Variants in TSPAN18 observed in about 807,000 individuals in gnomAD.
TSPAN18 encodes the protein tetraspanin-18.
A neutral mutation model predicts 27.3 loss-of-function variants in TSPAN18; 14 were observed. The ratio of observed to expected loss-of-function variants is 0.51; its 90% CI spans 0.34 to 0.80. TSPAN18 has a LOEUF of 0.80. Ranked by LOEUF, TSPAN18 falls within the 30% of genes least tolerant of loss-of-function variation. TSPAN18 has a pLI of 0.01. For missense variants in TSPAN18, 268 were observed against 323.9 expected (o/e 0.83, Z 1.32); for synonymous variants, 143 against 136.5 (o/e 1.05, Z -0.33).
At position 44,802,686 on chromosome 11, in the gene TSPAN18, G is replaced by A. The variant is rs111277602; in HGVS notation, c.-153+38174G>A. On this transcript the variant is annotated intron_variant, in intron 2 of 9. Transcript: ENST00000520358. Reference sequence around the variant, plus strand: ...AACTGGGGAAGAGGTGGCTGGGGCTGCAGGTGGTAAAGGCTGTGGGTGGGG... The same window carrying A: ...AACTGGGGAAGAGGTGGCTGGGGCTACAGGTGGTAAAGGCTGTGGGTGGGG... Among the ~76,000 whole-genome samples the A allele has an allele frequency of 9.3e-3, 1,416 of 151,846 alleles. 20 individuals are homozygous for A. Among genetic ancestry groups the A allele is most frequent in the Middle Eastern group, 0.031 (9 of 292 alleles).
At chr11:44,780,742 C>T (rs1855919035) in intron 2 of TSPAN18, among the ~76,000 whole-genome samples, 1 of 152,214 alleles carries the variant, frequency 6.6e-6, no homozygotes, top group South Asian at 2.1e-4. Context: ...TGTCTATTTC[C>T]CCATCTGTAA....
At chr11:44,735,154 G>T (rs1854760364) in intron 1 of TSPAN18, among the ~76,000 whole-genome samples, 2 of 152,206 alleles carry the variant, frequency 1.3e-5, no homozygotes, top group African/African-American at 4.8e-5. Context: ...CCTGCAGCTG[G>T]ATTTATGCTG....
At chr11:44,783,803 T>C (rs917977383) in intron 2 of TSPAN18, among the ~76,000 whole-genome samples, 7 of 152,194 alleles carry the variant, frequency 4.6e-5, no homozygotes, top group Non-Finnish European at 1.0e-4. Context: ...CAGTGTCTTA[T>C]GTCATGGCCT....
intron 1 of TSPAN18, among the ~76,000 whole-genome samples, chr11:44,742,289 TTCCC>T (rs58857884): frequency 0.12 from 16,694 of 140,518 alleles, 2,099 homozygotes; most frequent in East Asian, 0.68. Context: ...TCCTTCTTTC[TTCCC>T]TCCCTCCCTC....
intron 2 of TSPAN18, among the ~76,000 whole-genome samples, chr11:44,779,869 A>G (rs1855896827): frequency 6.6e-6 from 1 of 151,582 alleles, no homozygotes; most frequent in African/African-American, 2.4e-5. Flanking sequence ...GGACACCTAC[A>G]CACATACCTG....
chr11:44,918,624 G>A (rs543274587), intron 6 of TSPAN18, among the ~76,000 whole-genome samples: 22 of 151,978 alleles, frequency 1.4e-4, no homozygotes, highest in Non-Finnish European at 2.6e-4. Flanking sequence ...GGAGGCGGGC[G>A]GGGAGGGTAG....
At chr11:44,914,010 T>C (rs930775938) in intron 5 of TSPAN18, among the ~76,000 whole-genome samples, 1 of 152,186 alleles carries the variant, frequency 6.6e-6, no homozygotes, top group African/African-American at 2.4e-5. Flanking sequence ...GCCTTGCACT[T>C]TGGTTCACAG....
rs704665 is a variant in TSPAN18 at position 44,796,570 on chromosome 11, G to A, written c.-153+32058G>A. Among the ~76,000 whole-genome samples, 958 of 152,186 alleles carry A rather than the reference G, an allele frequency of 6.3e-3. 14 individuals carry two copies. Among genetic ancestry groups the A allele is most frequent in the African/African-American group, 0.022 (913 of 41,492 alleles). The stretch of plus-strand genomic sequence containing the variant: ...TCTCCGGGTTTTGCCTGCACATAGC[G>A]CCCAGAATGGAACCCAGCATGTCAA... On this transcript the variant is annotated intron_variant, in intron 2 of 9. Transcript: ENST00000520358.
rs1860551485 is a variant in TSPAN18, at chr11:44,931,253, C to G, written c.*2075C>G. 1.4e-5 allele frequency: 4 copies of G among 284,992 alleles called. No individual in the cohort carries two copies. The highest frequency in any genetic ancestry group is 1.3e-4 in the South Asian group (4 of 31,606). 17.7% of individuals were successfully genotyped at this position (284,992 alleles called of 1,614,324 possible). ...GCCCAGCCTGGGGCCTGGGGGCTGC[C>G]CCTCTTGAACCACCCACATGCTTAG... is the stretch of plus-strand genomic sequence containing the variant. On this transcript the variant is annotated 3_prime_UTR_variant, in exon 10 of 10. Coordinates refer to ENST00000520358, the MANE Select transcript of TSPAN18 (RefSeq NM_130783.5).
At chr11:44,737,870 C>T (rs1366689375) in intron 1 of TSPAN18, among the ~76,000 whole-genome samples, 1 of 152,122 alleles carries the variant, frequency 6.6e-6, no homozygotes. Flanking sequence ...CCTGACTCCT[C>T]CTCATCCTTT....
intron 2 of TSPAN18, among the ~76,000 whole-genome samples, chr11:44,854,628 C>G (rs371280397): frequency 7.9e-5 from 12 of 152,290 alleles, no homozygotes; most frequent in Middle Eastern, 3.4e-3. Context: ...GCTGAGGCCC[C>G]GGTACCAGCA....
intron 2 of TSPAN18, among the ~76,000 whole-genome samples, chr11:44,788,382 C>T (rs141817410): frequency 1.7e-4 from 26 of 151,936 alleles, no homozygotes; most frequent in African/African-American, 4.4e-4. Flanking sequence ...TGAGTTTAAA[C>T]GTCAAGAGGC....
intron 1 of TSPAN18, among the ~76,000 whole-genome samples, chr11:44,728,704 T>C (rs1446745266): frequency 1.3e-5 from 2 of 152,234 alleles, no homozygotes; most frequent in Non-Finnish European, 2.9e-5. Flanking sequence ...GTCCCAGTTG[T>C]CTGGCCTCAG....
At chr11:44,902,243 G>C (rs943900394) in intron 3 of TSPAN18, among the ~76,000 whole-genome samples, 1 of 152,206 alleles carries the variant, frequency 6.6e-6, no homozygotes, top group Non-Finnish European at 1.5e-5. Context: ...TGTTTTTATA[G>C]GTGAAGAAAC....
chr11:44,858,868 A>G (rs768697700), intron 2 of TSPAN18, among the ~76,000 whole-genome samples: 7 of 152,158 alleles, frequency 4.6e-5, no homozygotes, highest in Non-Finnish European at 8.8e-5. Context: ...CTATTGAAAC[A>G]ATCTCTGTTG....
intron 1 of TSPAN18, among the ~76,000 whole-genome samples, chr11:44,732,672 T>G (rs1854692153): frequency 6.6e-6 from 1 of 152,020 alleles, no homozygotes; most frequent in African/African-American, 2.4e-5. Context: ...CATGGCTGCT[T>G]ATGGAGGGGT....
chr11:44,790,683 T>G (rs762438889), intron 2 of TSPAN18, among the ~76,000 whole-genome samples: 1 of 152,136 alleles, frequency 6.6e-6, no homozygotes, highest in Non-Finnish European at 1.5e-5. Context: ...TGCCAGATGT[T>G]TAAGTAAACC....
rs146225970 is a variant in TSPAN18 at position 44,732,433 on chromosome 11, C to A, written c.-240+5146C>A. The stretch of plus-strand genomic sequence containing the variant: ...GATTGAGATTTGATCCTCGGTTGAT[C>A]TGATTCTCTTATCCTGTGTGCTAAA... On this transcript the variant is annotated intron_variant, in intron 1 of 9. Transcript: ENST00000520358. Among the ~76,000 whole-genome samples, 7 of 152,300 alleles carry A rather than the reference C, an allele frequency of 4.6e-5. No individual in the cohort carries two copies. In the East Asian group the frequency reaches 9.7e-4, roughly 21 times the overall value.
chr11:44,919,259 G>A lies in TSPAN18; in HGVS notation c.379G>A (p.Gly127Ser), dbSNP rs1263290502. Residue 127 changes from glycine to serine, a missense_variant, in exon 7 of 10, where the codon GGC becomes AGC. By Grantham distance (56) the Gly-to-Ser change is moderately conservative. Coordinates refer to ENST00000520358, the MANE Select transcript of TSPAN18 (RefSeq NM_130783.5). ...FTKELTKHYQ[G>S]NNDTDVFSAT... Reference sequence around the variant, plus strand: ...CAAGGAGCTCACCAAGCACTACCAGGGCAATAACGACACAGACGTCTTCTC... The same window carrying A: ...CAAGGAGCTCACCAAGCACTACCAGAGCAATAACGACACAGACGTCTTCTC... 1.2e-6 allele frequency: 2 copies of A among 1,614,098 alleles called. No homozygotes were observed. The highest frequency in any genetic ancestry group is 2.2e-5 in the South Asian group (2 of 91,074).
Sources: gnomAD v4.1 joint callset for allele counts (sites outside exome capture counted in the v4.1 genomes callset) on GRCh38, gnomAD v4.1.1 for gene constraint, MANE v1.5 for transcripts, NCBI Gene and HGNC (gene_info 2026-07-23, HGNC 2026-07-21) for gene names.